Variants in RAB8B observed in about 807,000 individuals in gnomAD.
RAB8B encodes ras-related protein Rab-8B.
Under a neutral mutation model 32.0 loss-of-function variants are expected in RAB8B, and 11 were observed. The ratio of observed to expected loss-of-function variants is 0.34; its 90% CI spans 0.22 to 0.57. The LOEUF (loss-of-function observed/expected upper bound fraction) is 0.57. Among genes scored for constraint, RAB8B ranks in the 20% least tolerant of loss-of-function variants. RAB8B has a pLI of 0.86. For missense variants in RAB8B, 190 were observed against 258.5 expected (o/e 0.73, Z 1.82); for synonymous variants, 103 against 89.6 (o/e 1.15, Z -0.85).
chr15:63,262,501 C>G (rs1211802229), intron 6 of RAB8B, among the ~76,000 whole-genome samples, 191 bp from the exon 7 acceptor site: 1 of 151,726 alleles, frequency 6.6e-6, no homozygotes, highest in Non-Finnish European at 1.5e-5. Flanking sequence ...CATGGTGGCT[C>G]ACACCTGTAG....
Position 63,240,806 on chromosome 15 carries a change from C to CAAAAAAA in RAB8B, c.125-3938_125-3932dup, listed in dbSNP as rs11312318. Among the ~76,000 whole-genome samples the CAAAAAAA allele has an allele frequency of 9.7e-5, 11 of 113,768 alleles. 5 individuals are homozygous for CAAAAAAA. Among genetic ancestry groups the CAAAAAAA allele is most frequent in the Non-Finnish European group, 1.2e-4 (7 of 56,656 alleles). 74.6% of individuals were successfully genotyped at this position (113,768 alleles called of 152,430 possible). The stretch of plus-strand genomic sequence containing the variant: ...CATAACTGAAAGGTAATGTTCCTAA[C>CAAAAAAA]AAAAAAAAAAAAAAAAAAGCCTCTG... On this transcript the variant is annotated intron_variant, in intron 1 of 7. Coordinates refer to ENST00000321437, the MANE Select transcript of RAB8B (RefSeq NM_016530.3).
intron 1 of RAB8B, among the ~76,000 whole-genome samples, chr15:63,244,479 A>T (rs1051095352): frequency 6.6e-6 from 1 of 152,216 alleles, no homozygotes; most frequent in African/African-American, 2.4e-5. Context: ...TTCTCAATCT[A>T]TCTAAATTAT....
chr15:63,192,744 A>G (rs761519777), intron 1 of RAB8B, among the ~76,000 whole-genome samples: 1 of 152,196 alleles, frequency 6.6e-6, no homozygotes, highest in East Asian at 1.9e-4. Flanking sequence ...GGAGACAGTC[A>G]TTTTGATTCC....
chr15:63,265,874 T>G lies in RAB8B; in HGVS notation c.*2255T>G, dbSNP rs2038242313. On this transcript the variant is annotated 3_prime_UTR_variant, in exon 8 of 8. Coordinates refer to ENST00000321437, the MANE Select transcript of RAB8B (RefSeq NM_016530.3). The surrounding 1 kb of genome is among the most constrained non-coding windows in gnomAD (Gnocchi z 4.9). ...TGTAAAAGTTAGATGAGTCTAAAAG[T>G]GCTCTTTGAAGTAGCAGCAAATTGG... The G allele has an allele frequency of 6.6e-6, 1 of 152,610 alleles. No homozygotes were observed. The highest frequency in any genetic ancestry group is 1.5e-5 in the Non-Finnish European group (1 of 67,998). 9.5% of individuals were successfully genotyped at this position (152,610 alleles called of 1,614,324 possible).
intron 1 of RAB8B, among the ~76,000 whole-genome samples, chr15:63,219,004 ATTTTTT>A (rs71131152): frequency 1.8e-4 from 17 of 94,670 alleles, no homozygotes; most frequent in Admixed American, 3.6e-4. Context: ...CCAGCAGTGG[ATTTTTT>A]TTTTTTTTTT....
At chr15:63,258,094 A>G (rs1189887729) in intron 5 of RAB8B, among the ~76,000 whole-genome samples, 2 of 149,280 alleles carry the variant, frequency 1.3e-5, no homozygotes, top group African/African-American at 4.9e-5. Flanking sequence ...ATTAAAAGTA[A>G]GTATAGTTTT....
At chr15:63,198,870 C>T (rs2037625116) in intron 1 of RAB8B, among the ~76,000 whole-genome samples, 1 of 152,136 alleles carries the variant, frequency 6.6e-6, no homozygotes, top group South Asian at 2.1e-4. Context: ...TCCTTATGCA[C>T]ACATACATAC....
At chr15:63,214,447 G>C (rs996097561) in intron 1 of RAB8B, among the ~76,000 whole-genome samples, 1 of 151,518 alleles carries the variant, frequency 6.6e-6, no homozygotes, top group Non-Finnish European at 1.5e-5. Flanking sequence ...AGGTGCCACC[G>C]TGCCTGGCTA....
At chr15:63,243,575 G>C (rs1265392858) in intron 1 of RAB8B, among the ~76,000 whole-genome samples, 2 of 152,142 alleles carry the variant, frequency 1.3e-5, no homozygotes, top group Non-Finnish European at 2.9e-5. Flanking sequence ...CCTTCAAAAG[G>C]CATAGCCCTT....
intron 1 of RAB8B, among the ~76,000 whole-genome samples, chr15:63,196,090 A>C (rs2037597651): frequency 6.6e-6 from 1 of 152,172 alleles, no homozygotes; most frequent in Admixed American, 6.5e-5. Flanking sequence ...GCCATGCTGG[A>C]AAATCATCAC....
chr15:63,214,141 G>C (rs1341325610), intron 1 of RAB8B, among the ~76,000 whole-genome samples: 1 of 152,030 alleles, frequency 6.6e-6, no homozygotes, highest in African/African-American at 2.4e-5. Flanking sequence ...GAAATTTCCA[G>C]TGTTTAAAAA....
chr15:63,263,689 C>T lies in RAB8B; in HGVS notation c.*70C>T. On this transcript the variant is annotated 3_prime_UTR_variant, in exon 8 of 8. Coordinates refer to ENST00000321437, the MANE Select transcript of RAB8B (RefSeq NM_016530.3). ...CTGCTTCTCTGAAAGCACAGGTCAC[C>T]CAGCCTCAGAATCACACCTCCCGGC... The T allele has an allele frequency of 7.7e-7, 1 of 1,290,654 alleles. No homozygotes were observed. Among genetic ancestry groups the T allele is most frequent in the Non-Finnish European group, 1.1e-6 (1 of 895,208 alleles). The allele number at this position is 1,290,654 out of a possible 1,614,324, so 80.0% of individuals were successfully genotyped here. A position where few individuals can be genotyped will look rare whatever the true frequency, so the allele number is the denominator to read the frequency against.
chr15:63,213,333 TA>T (rs67554588), intron 1 of RAB8B, among the ~76,000 whole-genome samples: 8,237 of 152,230 alleles, frequency 0.054, 699 homozygotes, highest in African/African-American at 0.18. Context: ...GAGGATAGGC[TA>T]GGGGTGCTGT....
At chr15:63,250,853 C>T (rs1202051083) in intron 3 of RAB8B, among the ~76,000 whole-genome samples, 1 of 151,132 alleles carries the variant, frequency 6.6e-6, no homozygotes, top group Non-Finnish European at 1.5e-5. Context: ...GTACCAGCTG[C>T]CGTCATTCCC....
chr15:63,219,658 G>T (rs565608807), intron 1 of RAB8B, among the ~76,000 whole-genome samples: 1 of 152,320 alleles, frequency 6.6e-6, no homozygotes, highest in African/African-American at 2.4e-5. Flanking sequence ...GTTAAAAAAG[G>T]CAGAAAGCCA....
intron 1 of RAB8B, among the ~76,000 whole-genome samples, chr15:63,230,741 G>T (rs1028786739): frequency 4.6e-5 from 7 of 152,172 alleles, no homozygotes; most frequent in African/African-American, 1.7e-4. Flanking sequence ...TGTTTCCCAG[G>T]TGGGAGTGCA....
In RAB8B at chr15:63,263,662, T is replaced by G; in HGVS notation, c.*43T>G. ...ACTGCAGCACACCTAGAGGGCCCTT[T>G]CCTGCTTCTCTGAAAGCACAGGTCA... On this transcript the variant is annotated 3_prime_UTR_variant, in exon 8 of 8. Coordinates refer to ENST00000321437, the MANE Select transcript of RAB8B (RefSeq NM_016530.3). 2.0e-6 allele frequency: 3 copies of G among 1,468,142 alleles called. No individual in the cohort carries two copies. Among genetic ancestry groups the G allele is most frequent in the Non-Finnish European group, 2.9e-6 (3 of 1,049,432 alleles). 90.9% of individuals were successfully genotyped at this position (1,468,142 alleles called of 1,614,324 possible). A position where few individuals can be genotyped will look rare whatever the true frequency, so the allele number is the denominator to read the frequency against.
At chr15:63,219,954 G>A (rs1325551974) in intron 1 of RAB8B, among the ~76,000 whole-genome samples, 1 of 152,122 alleles carries the variant, frequency 6.6e-6, no homozygotes, top group African/African-American at 2.4e-5. Context: ...TGGAACAATG[G>A]TAGAAGTTCC....
Position 63,265,667 on chromosome 15 carries a change from T to G in RAB8B, c.*2048T>G, listed in dbSNP as rs991522405. ...GTAATTTACCTCTGACTATTTGGTG[T>G]CTTAACGCTTTGGTTTATATAATCT... is the stretch of plus-strand genomic sequence containing the variant. On this transcript the variant is annotated 3_prime_UTR_variant, in exon 8 of 8. Transcript: ENST00000321437. The surrounding 1 kb of genome is among the most constrained non-coding windows in gnomAD (Gnocchi z 4.9). 2 of 152,592 alleles carry G rather than the reference T, an allele frequency of 1.3e-5. No individual in the cohort carries two copies. Among genetic ancestry groups the G allele is most frequent in the Non-Finnish European group, 2.9e-5 (2 of 67,982 alleles). 9.5% of individuals were successfully genotyped at this position (152,592 alleles called of 1,614,324 possible).
Sources: gnomAD v4.1 joint callset for allele counts (sites outside exome capture counted in the v4.1 genomes callset) on GRCh38, gnomAD v4.1.1 for gene constraint, Gnocchi (gnomAD v3.1) non-coding constraint, MANE v1.5 for transcripts, NCBI Gene and HGNC (gene_info 2026-07-23, HGNC 2026-07-21) for gene names.